MYEF2: variants seen among roughly 807,000 people sequenced by gnomAD.
MYEF2 encodes the protein myelin expression factor 2, also known as myelin gene expression factor 2.
In MYEF2, 37 loss-of-function variants were observed where a neutral mutation model predicts 75.2. That is an observed-to-expected ratio of 0.49 (90% CI 0.38 to 0.65). The LOEUF (loss-of-function observed/expected upper bound fraction) is 0.65, where lower values mean the gene tolerates loss of function less well. Among genes scored for constraint, MYEF2 ranks in the 30% least tolerant of loss-of-function variants. The pLI, the probability that MYEF2 is intolerant of heterozygous loss-of-function variation, is 0.00. For synonymous variants in MYEF2, 195 were observed against 241.6 expected (o/e 0.81, Z 1.79); for missense variants, 634 against 771.4 (o/e 0.82, Z 2.11).
At chr15:48,161,670 C>T (rs2039947252) in intron 5 of MYEF2, among the ~76,000 whole-genome samples, 1 of 151,132 alleles carries the variant, frequency 6.6e-6, no homozygotes, top group Middle Eastern at 3.2e-3. Context: ...TGATATTTAG[C>T]ATCCAATATT....
chr15:48,158,255 G>C (rs779015710), intron 7 of MYEF2, 31 bp from the exon 8 acceptor site: 7 of 1,602,990 alleles, frequency 4.4e-6, no homozygotes, highest in Non-Finnish European at 6.0e-6. Context: ...AGTCAGTTAA[G>C]ATAACTATAA....
At chr15:48,146,653 T>A (rs890320650) in intron 16 of MYEF2, among the ~76,000 whole-genome samples, 9 of 151,836 alleles carry the variant, frequency 5.9e-5, no homozygotes, top group African/African-American at 1.9e-4. Context: ...ATGCAAGGAG[T>A]ACTACTAGAT....
In MYEF2 at chr15:48,167,410, G is replaced by A. The variant is rs2040172101; in HGVS notation, c.371-9C>T. On this transcript the variant is annotated splice_polypyrimidine_tract_variant and intron_variant, in intron 2 of 16. Coordinates refer to ENST00000324324, the MANE Select transcript of MYEF2 (RefSeq NM_016132.5). ...GTATGTAACCTCACCAACTACATAA[G>A]ACATACAAAAGGAAGATACCAAGAA... The A allele has an allele frequency of 6.2e-7, 1 of 1,612,166 alleles. No individual in the cohort carries two copies. Among genetic ancestry groups the A allele is most frequent in the African/African-American group, 1.3e-5 (1 of 74,852 alleles).
chr15:48,136,988 T>A lies in MYEF2; in HGVS notation c.*5920A>T. 1 of 1,582,196 alleles carries A rather than the reference T, an allele frequency of 6.3e-7. No individual in the cohort carries two copies. ...GGTAATCACTAAATCTTGCCCATTA[T>A]TAAGTCTATTCGCAAAGGAAAAACT... On this transcript the variant is annotated 3_prime_UTR_variant, in exon 17 of 17. Coordinates refer to ENST00000324324, the MANE Select transcript of MYEF2 (RefSeq NM_016132.5).
chr15:48,165,921 G>A lies in MYEF2; in HGVS notation c.525+12C>T. 1 of 1,467,288 alleles carries A rather than the reference G, an allele frequency of 6.8e-7. No individual in the cohort carries two copies. The highest frequency in any genetic ancestry group is 2.3e-5 in the East Asian group (1 of 43,546). The allele number at this position is 1,467,288 out of a possible 1,614,324, so 90.9% of individuals were successfully genotyped here. ...AGTCAAATGTTTAAATTCTAAATATGAGAAATCTTACCTCTTTAATATTAA... is the reference window on the plus strand; with the variant it reads ...AGTCAAATGTTTAAATTCTAAATATAAGAAATCTTACCTCTTTAATATTAA... On this transcript the variant is annotated intron_variant, in intron 5 of 16. Coordinates refer to ENST00000324324, the MANE Select transcript of MYEF2 (RefSeq NM_016132.5).
At chr15:48,162,015 T>A (rs1224319331) in intron 5 of MYEF2, among the ~76,000 whole-genome samples, 2 of 151,648 alleles carry the variant, frequency 1.3e-5, no homozygotes, top group Non-Finnish European at 2.9e-5. Context: ...AATAATTGGC[T>A]GACACAAACC....
chr15:48,164,241 T>G (rs1456929382), intron 5 of MYEF2, among the ~76,000 whole-genome samples: 1 of 152,174 alleles, frequency 6.6e-6, no homozygotes, highest in Non-Finnish European at 1.5e-5. Flanking sequence ...AATAAGTGGA[T>G]TCTAATCCTA....
intron 16 of MYEF2, among the ~76,000 whole-genome samples, chr15:48,146,813 T>C (rs1454975907): frequency 1.3e-5 from 2 of 152,028 alleles, no homozygotes; most frequent in Non-Finnish European, 2.9e-5. Context: ...AAAAGATTTA[T>C]AAATAAGTGA....
Position 48,158,935 on chromosome 15 carries a change from T to C in MYEF2, c.718-13A>G, listed in dbSNP as rs760404033. 6.2e-7 allele frequency: 1 copy of C among 1,610,938 alleles called. No individual in the cohort carries two copies. Among genetic ancestry groups the C allele is most frequent in the African/African-American group, 1.3e-5 (1 of 74,750 alleles). On this transcript the variant is annotated splice_polypyrimidine_tract_variant and intron_variant, in intron 6 of 16. Transcript: ENST00000324324. ...CTTTGAAGTCAAGCTTAATATAAAA[T>C]TGTATAAAGTTACATACCTAATAAA...
chr15:48,173,983 C>G (rs1180408007), intron 1 of MYEF2, among the ~76,000 whole-genome samples: 2 of 151,900 alleles, frequency 1.3e-5, no homozygotes, highest in Non-Finnish European at 2.9e-5. Flanking sequence ...TTCACAGAAA[C>G]GGAAAAATTC....
In MYEF2 at chr15:48,138,911, T is replaced by A; in HGVS notation, c.*3997A>T. 1 of 1,306,666 alleles carries A rather than the reference T, an allele frequency of 7.7e-7. No homozygotes were observed. The highest frequency in any genetic ancestry group is 1.3e-5 in the South Asian group (1 of 75,480). The allele number at this position is 1,306,666 out of a possible 1,614,324, so 80.9% of individuals were successfully genotyped here. ...TTCAATATAACTTTCTAAATAGGCA[T>A]TTCTAACTTAATTAGCCATTTGAGA... On this transcript the variant is annotated 3_prime_UTR_variant, in exon 17 of 17. Transcript: ENST00000324324.
At chr15:48,157,654 G>T in intron 9 of MYEF2, 1 of 652,278 alleles carries the variant, frequency 1.5e-6, no homozygotes, top group Non-Finnish European at 1.9e-6. Flanking sequence ...AATATACATA[G>T]CAGGCTAGAA....
intron 16 of MYEF2, among the ~76,000 whole-genome samples, chr15:48,148,276 C>A (rs1238362050): frequency 6.6e-6 from 1 of 151,878 alleles, no homozygotes; most frequent in Non-Finnish European, 1.5e-5. Context: ...CACATGAATT[C>A]TCTCATTATT....
At chr15:48,166,280 G>T (rs1434251187) in intron 3 of MYEF2, 152 bp from the exon 4 acceptor site, 2 of 550,012 alleles carry the variant, frequency 3.6e-6, no homozygotes, top group East Asian at 3.2e-5. Context: ...AACATAACAG[G>T]CAAGTAACCA....
intron 1 of MYEF2, among the ~76,000 whole-genome samples, chr15:48,177,201 C>T (rs978838885): frequency 6.6e-6 from 1 of 152,206 alleles, no homozygotes; most frequent in African/African-American, 2.4e-5. Context: ...CGCTTAACTT[C>T]ATATCCTCCC....
At position 48,172,456 on chromosome 15, in the gene MYEF2, C is replaced by A. The variant is rs949597246; in HGVS notation, c.162-3617G>T. ...CAACCTAACTTTACACCTCAAGGAACTAGAAAAAAGAGCTCAGTCCAAACT... is the reference window on the plus strand; with the variant it reads ...CAACCTAACTTTACACCTCAAGGAAATAGAAAAAAGAGCTCAGTCCAAACT... On this transcript the variant is annotated intron_variant, in intron 1 of 16. Transcript: ENST00000324324. Among the ~76,000 whole-genome samples the A allele has an allele frequency of 1.0e-4, 15 of 143,754 alleles. 1 individual carries two copies. The highest frequency in any genetic ancestry group is 9.0e-4 in the Admixed American group (13 of 14,518). The allele number at this position is 143,754 out of a possible 152,430, so 94.3% of individuals were successfully genotyped here.
chr15:48,163,005 T>C (rs935966447), intron 5 of MYEF2: 1 of 152,132 alleles, frequency 6.6e-6, no homozygotes, highest in Non-Finnish European at 1.5e-5. Context: ...AATCAAAAGT[T>C]AGACATGATT....
At position 48,140,532 on chromosome 15, in the gene MYEF2, A is replaced by C. The variant is rs1473933067; in HGVS notation, c.*2376T>G. ...TTGACCTGACATCAAATTTAACAGA[A>C]GTATTAATAAATTGGGACCATATGT... On this transcript the variant is annotated 3_prime_UTR_variant, in exon 17 of 17. Transcript: ENST00000324324. The C allele has an allele frequency of 6.6e-6, 1 of 152,202 alleles. No homozygotes were observed. Among genetic ancestry groups the C allele is most frequent in the Admixed American group, 6.5e-5 (1 of 15,276 alleles). 9.4% of individuals were successfully genotyped at this position (152,202 alleles called of 1,614,324 possible).
chr15:48,142,329 A>G lies in MYEF2; in HGVS notation c.*579T>C, dbSNP rs745601816. On this transcript the variant is annotated 3_prime_UTR_variant, in exon 17 of 17. Coordinates refer to ENST00000324324, the MANE Select transcript of MYEF2 (RefSeq NM_016132.5). The stretch of plus-strand genomic sequence containing the variant: ...GAACTTGGAATTATTGGAAATAATA[A>G]AATAAGGGGCTGTGGAGGTTGATAT... 3 of 1,606,862 alleles carry G rather than the reference A, an allele frequency of 1.9e-6. No homozygotes were observed. The highest frequency in any genetic ancestry group is 2.6e-6 in the Non-Finnish European group (3 of 1,175,792).
Sources: gnomAD v4.1 joint callset for allele counts (sites outside exome capture counted in the v4.1 genomes callset) on GRCh38, gnomAD v4.1.1 for gene constraint, MANE v1.5 for transcripts, NCBI Gene and HGNC (gene_info 2026-07-23, HGNC 2026-07-21) for gene names.